Variants in INPP5A observed in about 807,000 individuals in gnomAD.
The protein encoded by INPP5A is 43 kDa inositol polyphosphate 5-phophatase.
INPP5A carries 14 observed loss-of-function variants against 65.2 expected under a neutral mutation model. The observed-to-expected ratio is 0.21, with a 90% CI of 0.14 to 0.34. The LOEUF is 0.34. Ranked by LOEUF, INPP5A falls within the 10% of genes least tolerant of loss-of-function variation. The probability of loss-of-function intolerance (pLI) is 1.00; values close to 1 mark genes in which losing one functional copy is unlikely to be tolerated. For missense variants in INPP5A, 431 were observed against 545.6 expected, an observed-to-expected ratio of 0.79 and a Z score of 2.09; for synonymous variants, 207 against 208.3, an observed-to-expected ratio of 0.99 and a Z score of 0.05.
At chr10:132,696,530 G>A (rs1410724866) in intron 5 of INPP5A, among the ~76,000 whole-genome samples, 2 of 152,170 alleles carry the variant, frequency 1.3e-5, no homozygotes, top group Admixed American at 6.5e-5. Context: ...AGACACAGAG[G>A]AGGCTGACAC....
intron 4 of INPP5A, among the ~76,000 whole-genome samples, chr10:132,661,819 C>T (rs1413648774): frequency 2.6e-5 from 4 of 152,134 alleles, no homozygotes; most frequent in Admixed American, 2.6e-4. Context: ...ATAGTATTGG[C>T]ATAAAACCAG....
rs979405300 is a variant in INPP5A at position 132,587,032 on chromosome 10, G to C, written c.76-20883G>C. On this transcript the variant is annotated intron_variant, in intron 1 of 15. Coordinates refer to ENST00000368594, the MANE Select transcript of INPP5A (RefSeq NM_005539.5). The surrounding 1 kb of genome is among the most constrained non-coding windows in gnomAD (Gnocchi z 4.3). ...CCTGGGTGGCCCCTCCCCCGCCATC[G>C]TTACGCTGTCATCAGCAAGATCACT... Among the ~76,000 whole-genome samples, 3 of 152,192 alleles carry C rather than the reference G, an allele frequency of 2.0e-5. No individual in the cohort carries two copies. The highest frequency in any genetic ancestry group is 6.5e-5 in the Admixed American group (1 of 15,284).
rs1024968811 is a variant in INPP5A at position 132,762,735 on chromosome 10, C to T, written c.904-3038C>T. ...ATAGAAACATACTTGGGGCTGGGCA[C>T]GGTAGAACACTTGGGGAGGCCGAGG... On this transcript the variant is annotated intron_variant, in intron 11 of 15. Transcript: ENST00000368594. This position sits in a 1 kb window ranked among gnomAD's most constrained non-coding sequence, Gnocchi z 4.6. 1.2e-4 allele frequency among the ~76,000 whole-genome samples: 19 copies of T among 152,074 alleles called. No homozygotes were observed. Among genetic ancestry groups the T allele is most frequent in the South Asian group, 4.1e-4 (2 of 4,822 alleles).
intron 9 of INPP5A, among the ~76,000 whole-genome samples, chr10:132,747,989 A>G (rs1202017897): frequency 1.3e-5 from 2 of 152,196 alleles, no homozygotes; most frequent in African/African-American, 4.8e-5. Flanking sequence ...GGTCAAGGTT[A>G]AAACGAGCCT....
Position 132,779,007 on chromosome 10 carries a change from C to T in INPP5A, c.1089+1225C>T, listed in dbSNP as rs141757263. On this transcript the variant is annotated intron_variant, in intron 13 of 15. Transcript: ENST00000368594. Reference sequence around the variant, plus strand: ...ACATCCTGGAGCACCCTGGGTGCAGCCTGCCCTCCGTCCCTGGCTGTGCTG... The same window carrying T: ...ACATCCTGGAGCACCCTGGGTGCAGTCTGCCCTCCGTCCCTGGCTGTGCTG... 3.5e-3 allele frequency among the ~76,000 whole-genome samples: 529 copies of T among 152,356 alleles called. 2 individuals carry two copies. Among genetic ancestry groups the T allele is most frequent in the Middle Eastern group, 0.024 (7 of 294 alleles).
At chr10:132,593,987 A>C (rs1367612972) in intron 1 of INPP5A, among the ~76,000 whole-genome samples, 3 of 152,168 alleles carry the variant, frequency 2.0e-5, no homozygotes, top group African/African-American at 7.2e-5. Flanking sequence ...TGAATCATCC[A>C]TGTCTGTATG....
chr10:132,781,028 C>T (rs1847152582), intron 14 of INPP5A, 111 bp downstream of exon 14: 7 of 661,934 alleles, frequency 1.1e-5, no homozygotes, highest in East Asian at 6.1e-5. Flanking sequence ...GGCAGGTGGG[C>T]GGGGGTTGGC....
At chr10:132,729,248 C>T (rs1008854281) in intron 9 of INPP5A, among the ~76,000 whole-genome samples, 20 of 152,138 alleles carry the variant, frequency 1.3e-4, no homozygotes, top group Non-Finnish European at 1.9e-4. Context: ...GCAGGGGCCT[C>T]GGGAGCCGGC....
intron 1 of INPP5A, among the ~76,000 whole-genome samples, chr10:132,576,918 T>A (rs2071417416): frequency 6.6e-6 from 1 of 152,192 alleles, no homozygotes; most frequent in African/African-American, 2.4e-5. Context: ...GTCTGCCCTG[T>A]TCCCAGAATG....
rs558792654 is a variant in INPP5A, at chr10:132,538,336, A to G, written c.75+165A>G. Among the ~76,000 whole-genome samples, 6 of 152,178 alleles carry G rather than the reference A, an allele frequency of 3.9e-5. No homozygotes were observed. Among genetic ancestry groups the G allele is most frequent in the African/African-American group, 7.2e-5 (3 of 41,536 alleles). ...CCCCAGACTCCTGTCCTGATTCCCA[A>G]GTCTGGGAGCCCAGACCCCTGTCTT... On this transcript the variant is annotated intron_variant, in intron 1 of 15. Transcript: ENST00000368594. The surrounding 1 kb of genome is among the most constrained non-coding windows in gnomAD (Gnocchi z 4.1).
chr10:132,607,424 A>T (rs1419596759), intron 1 of INPP5A, among the ~76,000 whole-genome samples: 1 of 152,000 alleles, frequency 6.6e-6, no homozygotes, highest in Non-Finnish European at 1.5e-5. Flanking sequence ...CTTGCTCTTC[A>T]CCCCAAACAC....
rs1011386506 is a variant in INPP5A, at chr10:132,538,377, G to C, written c.75+206G>C. ...CCCCTGTCTTGATCCCCAAGCCCGA[G>C]ACCTGAAGACCTGGGCCCTGAATCC... On this transcript the variant is annotated intron_variant, in intron 1 of 15. Coordinates refer to ENST00000368594, the MANE Select transcript of INPP5A (RefSeq NM_005539.5). The surrounding 1 kb of genome is among the most constrained non-coding windows in gnomAD (Gnocchi z 4.1). Among the ~76,000 whole-genome samples, 2 of 152,206 alleles carry C rather than the reference G, an allele frequency of 1.3e-5. No individual in the cohort carries two copies. Among genetic ancestry groups the C allele is most frequent in the Admixed American group, 1.3e-4 (2 of 15,298 alleles).
intron 9 of INPP5A, among the ~76,000 whole-genome samples, chr10:132,732,347 C>T (rs1005172391): frequency 1.3e-5 from 2 of 152,236 alleles, no homozygotes; most frequent in African/African-American, 4.8e-5. Context: ...ACTGTGGATA[C>T]ATAGCTGTTC....
At chr10:132,751,034 A>G (rs1286305155) in intron 11 of INPP5A, among the ~76,000 whole-genome samples, 1 of 152,206 alleles carries the variant, frequency 6.6e-6, no homozygotes, top group East Asian at 1.9e-4. Context: ...AGTGCCAGAC[A>G]GAGGGGCACG....
At chr10:132,677,412 C>T (rs1326320902) in intron 4 of INPP5A, among the ~76,000 whole-genome samples, 3 of 152,242 alleles carry the variant, frequency 2.0e-5, no homozygotes, top group Non-Finnish European at 4.4e-5. Context: ...GGAGAAAGTG[C>T]CGGGTGCATA....
intron 3 of INPP5A, among the ~76,000 whole-genome samples, chr10:132,649,700 T>C (rs1274754137): frequency 6.6e-6 from 1 of 151,944 alleles, no homozygotes; most frequent in African/African-American, 2.4e-5. Context: ...CATGCGTGGG[T>C]AGGGGGATGA....
chr10:132,756,272 A>G (rs965026950), intron 11 of INPP5A, among the ~76,000 whole-genome samples: 2 of 151,848 alleles, frequency 1.3e-5, no homozygotes, highest in Non-Finnish European at 2.9e-5. Flanking sequence ...TGTGGTGTGT[A>G]CGCATGCGTG....
intron 3 of INPP5A, among the ~76,000 whole-genome samples, chr10:132,649,613 A>AC (rs2072545494): frequency 6.6e-6 from 1 of 150,884 alleles, no homozygotes; most frequent in Non-Finnish European, 1.5e-5. Flanking sequence ...TTCAATGTGG[A>AC]CCCCCCTTCT....
chr10:132,756,000 GTC>G (rs1175504400), intron 11 of INPP5A, among the ~76,000 whole-genome samples: 4 of 152,218 alleles, frequency 2.6e-5, no homozygotes, highest in African/African-American at 9.7e-5. Flanking sequence ...ACAGTGTGGA[GTC>G]GCCTCTGCCT....
Sources: gnomAD v4.1 joint callset for allele counts (sites outside exome capture counted in the v4.1 genomes callset) on GRCh38, gnomAD v4.1.1 for gene constraint, Gnocchi (gnomAD v3.1) non-coding constraint, MANE v1.5 for transcripts, NCBI Gene and HGNC (gene_info 2026-07-23, HGNC 2026-07-21) for gene names.